Variants in GNA14 observed in about 807,000 individuals in gnomAD.
GNA14 encodes G protein subunit alpha 14, also known as guanine nucleotide-binding protein subunit alpha-14.
GNA14 carries 50 observed loss-of-function variants against 42.0 expected under a neutral mutation model. The ratio of observed to expected loss-of-function variants is 1.19; its 90% CI spans 0.95 to 1.51. The LOEUF is 1.51. Ranked by LOEUF, GNA14 falls within the 40% of genes most tolerant of loss-of-function variation. The pLI is 0.00. For synonymous variants in GNA14, 173 were observed against 163.1 expected, an observed-to-expected ratio of 1.06 and a Z score of -0.46; for missense variants, 473 against 446.2, an observed-to-expected ratio of 1.06 and a Z score of -0.54.
chr9:77,480,245 G>C (rs1279943266), intron 2 of GNA14, among the ~76,000 whole-genome samples: 1 of 152,148 alleles, frequency 6.6e-6, no homozygotes, highest in African/African-American at 2.4e-5. Context: ...AGTTTATTGA[G>C]AGTTTTTAGC....
chr9:77,520,067 G>A (rs1040169811), intron 2 of GNA14, among the ~76,000 whole-genome samples: 8 of 152,080 alleles, frequency 5.3e-5, no homozygotes, highest in African/African-American at 1.9e-4. Context: ...ACATAGCCAT[G>A]CAATAAAACT....
chr9:77,492,796 G>A (rs1286813201), intron 2 of GNA14, among the ~76,000 whole-genome samples: 2 of 151,716 alleles, frequency 1.3e-5, no homozygotes, highest in Admixed American at 6.6e-5. Flanking sequence ...GAGGTCAGGA[G>A]TTGGAAACCA....
chr9:77,607,049 T>TG (rs1486663087), intron 1 of GNA14, among the ~76,000 whole-genome samples: 1 of 152,186 alleles, frequency 6.6e-6, no homozygotes, highest in Non-Finnish European at 1.5e-5. Flanking sequence ...TCTGAAACTA[T>TG]GAGAAATAAA....
chr9:77,491,735 T>G (rs1836778841), intron 2 of GNA14, among the ~76,000 whole-genome samples: 2 of 152,126 alleles, frequency 1.3e-5, no homozygotes, highest in African/African-American at 4.8e-5. Flanking sequence ...AACATCCCAC[T>G]CTCAGTAATG....
intron 2 of GNA14, among the ~76,000 whole-genome samples, chr9:77,503,726 C>A (rs145630515): frequency 0.018 from 2,603 of 147,452 alleles, 44 homozygotes; most frequent in African/African-American, 0.041. Flanking sequence ...GGTGTGATCT[C>A]GGCTCACTGC....
chr9:77,553,606 T>G (rs1837811344), intron 1 of GNA14, among the ~76,000 whole-genome samples: 1 of 152,102 alleles, frequency 6.6e-6, no homozygotes, highest in Admixed American at 6.5e-5. Flanking sequence ...CCATACCATA[T>G]TTTGTTTGCA....
At chr9:77,433,919 T>A (rs1835599679) in intron 3 of GNA14, among the ~76,000 whole-genome samples, 1 of 152,134 alleles carries the variant, frequency 6.6e-6, no homozygotes, top group Non-Finnish European at 1.5e-5. Flanking sequence ...TGCTCTAAAC[T>A]TGACTTTAGA....
chr9:77,574,285 A>C (rs1375379733), intron 1 of GNA14, among the ~76,000 whole-genome samples: 2 of 152,238 alleles, frequency 1.3e-5, no homozygotes, highest in African/African-American at 4.8e-5. Context: ...TTCAAGTGTG[A>C]AGAAAAAGGC....
rs1445833903 is a variant in GNA14 at position 77,641,096 on chromosome 9, G to A, written c.124+6574C>T. On this transcript the variant is annotated intron_variant, in intron 1 of 6. Transcript: ENST00000341700. ...GGAGGGGAGGGGAGGGGAGGGGAGG[G>A]GGGGGAAGGAAGGAAGGAAGGAAGG... Among the ~76,000 whole-genome samples the A allele has an allele frequency of 5.2e-3, 112 of 21,404 alleles. 17 individuals are homozygous for A. The highest frequency in any genetic ancestry group is 5.3e-3 in the Non-Finnish European group (75 of 14,212). The allele number at this position is 21,404 out of a possible 152,430, so 14.0% of individuals were successfully genotyped here.
intron 1 of GNA14, among the ~76,000 whole-genome samples, chr9:77,608,556 C>T (rs1440275400): frequency 6.6e-6 from 1 of 152,064 alleles, no homozygotes; most frequent in Non-Finnish European, 1.5e-5. Context: ...GCCACCCAAC[C>T]CTTTGAAACA....
intron 2 of GNA14, among the ~76,000 whole-genome samples, chr9:77,494,781 GT>G (rs1836844950): frequency 2.9e-5 from 1 of 34,784 alleles, no homozygotes; most frequent in African/African-American, 1.7e-4. Context: ...TTTTTGTTTT[GT>G]TTTGTTTTGT....
chr9:77,597,858 T>A (rs1315900723), intron 1 of GNA14, among the ~76,000 whole-genome samples: 1 of 151,836 alleles, frequency 6.6e-6, no homozygotes, highest in African/African-American at 2.4e-5. Context: ...GGTCAGGAGT[T>A]CGAGACCAGC....
intron 1 of GNA14, among the ~76,000 whole-genome samples, chr9:77,609,710 C>T (rs1564065883): frequency 6.6e-6 from 1 of 152,158 alleles, no homozygotes; most frequent in Non-Finnish European, 1.5e-5. Flanking sequence ...GCAGCCATCA[C>T]GCCTTATTGC....
At chr9:77,493,034 T>TATATATATATATATATATAC (rs1836811124) in intron 2 of GNA14, among the ~76,000 whole-genome samples, 1 of 126,210 alleles carries the variant, frequency 7.9e-6, no homozygotes, top group Non-Finnish European at 1.6e-5. Flanking sequence ...AAAATATATA[T>TATATATATATATATATATAC]ATATATATAT....
chr9:77,542,595 G>A (rs1837673963), intron 1 of GNA14, among the ~76,000 whole-genome samples: 1 of 152,206 alleles, frequency 6.6e-6, no homozygotes, highest in South Asian at 2.1e-4. Context: ...CAGCAGGTAT[G>A]ATGTGGGCAA....
intron 2 of GNA14, among the ~76,000 whole-genome samples, chr9:77,441,412 C>T (rs910301465): frequency 6.6e-6 from 1 of 152,136 alleles, no homozygotes; most frequent in Non-Finnish European, 1.5e-5. Flanking sequence ...CCTGAGGCCT[C>T]CTCAGCCATG....
intron 1 of GNA14, among the ~76,000 whole-genome samples, chr9:77,642,449 C>G (rs539155264): frequency 2.6e-5 from 4 of 152,204 alleles, no homozygotes; most frequent in African/African-American, 9.6e-5. Flanking sequence ...TTAGAGTGAA[C>G]ACAATACTCA....
At chr9:77,560,286 C>CTTT (rs770870060) in intron 1 of GNA14, among the ~76,000 whole-genome samples, 2,379 of 119,520 alleles carry the variant, frequency 0.02, 127 homozygotes, top group African/African-American at 0.076. Flanking sequence ...CCTCTCCAGT[C>CTTT]TTTTTTTTTT....
At chr9:77,647,560 C>G in intron 1 of GNA14, 110 bp downstream of exon 1, 2 of 1,245,312 alleles carry the variant, frequency 1.6e-6, no homozygotes, top group Non-Finnish European at 2.2e-6. Flanking sequence ...AAGGACGAAG[C>G]CGCCCTGCAC....
Sources: allele counts gnomAD v4.1 joint callset (sites outside exome capture counted in the v4.1 genomes callset), GRCh38; gene constraint gnomAD v4.1.1; transcripts MANE v1.5; gene names NCBI Gene and HGNC (gene_info 2026-07-23, HGNC 2026-07-21).